TMCC1: variants seen among roughly 807,000 people sequenced by gnomAD.
The protein encoded by TMCC1 is transmembrane and coiled-coil domains protein 1.
In TMCC1, 15 loss-of-function variants were observed where a neutral mutation model predicts 52.4. That is an observed-to-expected ratio of 0.29 (90% CI 0.19 to 0.44). The LOEUF is 0.44. Among genes scored for constraint, TMCC1 ranks in the 20% least tolerant of loss-of-function variants. The pLI is 1.00. For synonymous variants in TMCC1, 279 were observed against 301.9 expected, an observed-to-expected ratio of 0.92 and a Z score of 0.79; for missense variants, 503 against 806.0, an observed-to-expected ratio of 0.62 and a Z score of 4.55.
At chr3:129,751,120 G>A (rs1176080347) in intron 4 of TMCC1, among the ~76,000 whole-genome samples, 1 of 152,006 alleles carries the variant, frequency 6.6e-6, no homozygotes, top group Non-Finnish European at 1.5e-5. Flanking sequence ...AGGATCACTC[G>A]GACCCAGGAG....
intron 2 of TMCC1, among the ~76,000 whole-genome samples, chr3:129,833,884 G>C (rs965848638): frequency 2.0e-5 from 3 of 152,154 alleles, no homozygotes; most frequent in African/African-American, 7.2e-5. Flanking sequence ...TGCTTCTGAT[G>C]GGTATTACCA....
chr3:129,882,657 G>A (rs961728910), intron 1 of TMCC1, among the ~76,000 whole-genome samples: 1 of 151,986 alleles, frequency 6.6e-6, no homozygotes, highest in East Asian at 1.9e-4. Flanking sequence ...AGCAAAATGT[G>A]GTATATCATA....
chr3:129,708,560 T>C (rs1205258829), intron 4 of TMCC1, among the ~76,000 whole-genome samples: 1 of 151,920 alleles, frequency 6.6e-6, no homozygotes. Flanking sequence ...TTTTCATTTA[T>C]CTAGATTCCA....
At chr3:129,692,537 T>C (rs2047097677) in intron 4 of TMCC1, among the ~76,000 whole-genome samples, 1 of 152,230 alleles carries the variant, frequency 6.6e-6, no homozygotes, top group Non-Finnish European at 1.5e-5. Context: ...GCTTCATTTT[T>C]GCCTTGTTAA....
chr3:129,773,445 A>AT (rs1257007852), intron 4 of TMCC1, among the ~76,000 whole-genome samples: 1 of 152,230 alleles, frequency 6.6e-6, no homozygotes, highest in African/African-American at 2.4e-5. Flanking sequence ...AAGGACAAGG[A>AT]AAGAGCTAGA....
chr3:129,772,191 T>C (rs191230786), intron 4 of TMCC1, among the ~76,000 whole-genome samples: 20 of 152,106 alleles, frequency 1.3e-4, no homozygotes, highest in Non-Finnish European at 2.5e-4. Flanking sequence ...ACCTCTTCTC[T>C]ACAAAAAATA....
chr3:129,836,085 T>C (rs1182417700), intron 2 of TMCC1, among the ~76,000 whole-genome samples: 2 of 152,198 alleles, frequency 1.3e-5, no homozygotes, highest in Admixed American at 6.5e-5. Context: ...GCTGTATTAA[T>C]TGTATTCAAA....
At chr3:129,831,879 G>C (rs1035609952) in intron 3 of TMCC1, among the ~76,000 whole-genome samples, 4 of 152,120 alleles carry the variant, frequency 2.6e-5, no homozygotes, top group African/African-American at 9.7e-5. Flanking sequence ...TTTAGAGACA[G>C]GGTCTCCCCC....
At chr3:129,672,081 C>T (rs186830490) in intron 4 of TMCC1, among the ~76,000 whole-genome samples, 211 of 152,254 alleles carry the variant, frequency 1.4e-3, no homozygotes, top group African/African-American at 3.6e-3. Flanking sequence ...CTCCAAAGCA[C>T]GTATACTTAA....
At chr3:129,882,701 G>C (rs2061513981) in intron 1 of TMCC1, among the ~76,000 whole-genome samples, 1 of 152,086 alleles carries the variant, frequency 6.6e-6, no homozygotes, top group African/African-American at 2.4e-5. Flanking sequence ...TAAAAAGAAA[G>C]AACATTCTGA....
At chr3:129,850,829 G>A (rs1003414905) in intron 2 of TMCC1, among the ~76,000 whole-genome samples, 5 of 152,334 alleles carry the variant, frequency 3.3e-5, no homozygotes, top group African/African-American at 1.2e-4. Context: ...TATGGGAAAC[G>A]AAGGGATGGG....
chr3:129,713,158 AG>A (rs939136706), intron 4 of TMCC1, among the ~76,000 whole-genome samples: 3 of 152,180 alleles, frequency 2.0e-5, no homozygotes, highest in African/African-American at 7.2e-5. Context: ...GCTCCTCAGG[AG>A]GCCAAGGTGG....
At chr3:129,883,386 G>A (rs566554496) in intron 1 of TMCC1, among the ~76,000 whole-genome samples, 1 of 152,224 alleles carries the variant, frequency 6.6e-6, no homozygotes, top group East Asian at 1.9e-4. Flanking sequence ...ACCAACATGG[G>A]AGGATTATTT....
rs61519484 is a variant in TMCC1, at chr3:129,759,710, CTTTTTTTTTT to C, written c.576+68083_576+68092del. Among the ~76,000 whole-genome samples, 58 of 37,220 alleles carry C rather than the reference CTTTTTTTTTT, an allele frequency of 1.6e-3. 1 individual carries two copies. Among genetic ancestry groups the C allele is most frequent in the Admixed American group, 1.9e-3 (4 of 2,100 alleles). 24.4% of individuals were successfully genotyped at this position (37,220 alleles called of 152,430 possible). A position where few individuals can be genotyped will look rare whatever the true frequency, so the allele number is the denominator to read the frequency against. On this transcript the variant is annotated intron_variant, in intron 4 of 6. Transcript: ENST00000393238. ...GCATGAGCCACTGCAGCCAGCCAAA[CTTTTTTTTTT>C]TTTTTTTTTTTTTTTTTTTGAGACG...
At position 129,649,205 on chromosome 3, in the gene TMCC1, TG is replaced by T. The variant is rs2086185593; in HGVS notation, c.*2275del. 1 of 152,210 alleles carries T rather than the reference TG, an allele frequency of 6.6e-6. No homozygotes were observed. Among genetic ancestry groups the T allele is most frequent in the South Asian group, 2.1e-4 (1 of 4,830 alleles). The allele number at this position is 152,210 out of a possible 1,614,324, so 9.4% of individuals were successfully genotyped here. On this transcript the variant is annotated 3_prime_UTR_variant, in exon 7 of 7. Coordinates refer to ENST00000393238, the MANE Select transcript of TMCC1 (RefSeq NM_001017395.5). ...TAGCTTAGAAAAACTGGTGGATTGC[TG>T]CTAGGGCATCTTTTAAATAACTTTG...
chr3:129,852,372 G>A (rs2059952042), intron 2 of TMCC1, among the ~76,000 whole-genome samples: 1 of 148,618 alleles, frequency 6.7e-6, no homozygotes, highest in South Asian at 2.1e-4. Flanking sequence ...TAGGAGAATT[G>A]CTTGAACCCG....
At chr3:129,745,611 GGA>G (rs1008467028) in intron 4 of TMCC1, among the ~76,000 whole-genome samples, 2 of 152,064 alleles carry the variant, frequency 1.3e-5, no homozygotes, top group East Asian at 1.9e-4. Context: ...CCTTCCCAAA[GGA>G]GAGAGAGAGA....
intron 2 of TMCC1, among the ~76,000 whole-genome samples, chr3:129,874,458 A>G (rs1354746054): frequency 3.3e-5 from 5 of 152,242 alleles, no homozygotes; most frequent in African/African-American, 1.2e-4. Flanking sequence ...CTGTAATCCC[A>G]GCACTTTGAG....
At chr3:129,786,954 T>C (rs1261112073) in intron 4 of TMCC1, among the ~76,000 whole-genome samples, 1 of 152,220 alleles carries the variant, frequency 6.6e-6, no homozygotes, top group Non-Finnish European at 1.5e-5. Flanking sequence ...GGCTAGAAAC[T>C]AAAGTCTAAG....
Sources: allele counts gnomAD v4.1 joint callset (sites outside exome capture counted in the v4.1 genomes callset), GRCh38; gene constraint gnomAD v4.1.1; transcripts MANE v1.5; gene names NCBI Gene and HGNC (gene_info 2026-07-23, HGNC 2026-07-21).